Variants in MYO7B observed in about 807,000 individuals in gnomAD.
The protein encoded by MYO7B is myosin VIIB.
Under a neutral mutation model 259.7 loss-of-function variants are expected in MYO7B, and 212 were observed. The observed-to-expected ratio is 0.82, with a 90% CI of 0.73 to 0.91. MYO7B has a LOEUF of 0.91. MYO7B is among the 40% of genes least tolerant of loss of function. The pLI is 0.00. For missense variants in MYO7B, 2,732 were observed against 2,813.5 expected (o/e 0.97, Z 0.66); for synonymous variants, 1,197 against 1,166.4 (o/e 1.03, Z -0.54).
rs781735373 is a variant in MYO7B, at chr2:127,609,133, A to T, written c.2814+255A>T. 1.3e-5 allele frequency among the ~76,000 whole-genome samples: 2 copies of T among 152,098 alleles called. No individual in the cohort carries two copies. The highest frequency in any genetic ancestry group is 2.4e-5 in the African/African-American group (1 of 41,430). On this transcript the variant is annotated intron_variant, in intron 22 of 47. Coordinates refer to ENST00000409816, the MANE Select transcript of MYO7B (RefSeq NM_001393586.1). The surrounding 1 kb of genome is among the most constrained non-coding windows in gnomAD (Gnocchi z 6.9). ...CCAATGCTGCCGGGCTCTCCATCAC[A>T]TGGCATTCCCCGCGTATATTTGACC...
Position 127,580,733 on chromosome 2 carries a change from C to T in MYO7B, c.1004-13C>T. On this transcript the variant is annotated splice_polypyrimidine_tract_variant and intron_variant, in intron 9 of 47. Coordinates refer to ENST00000409816, the MANE Select transcript of MYO7B (RefSeq NM_001393586.1). ...GCTGCTTTCCAACTCAGCATTCCTG[C>T]TTCTCTCTCTAGCTTCGGTCTTCGA... 1 of 1,609,588 alleles carries T rather than the reference C, an allele frequency of 6.2e-7. No individual in the cohort carries two copies. Among genetic ancestry groups the T allele is most frequent in the Non-Finnish European group, 8.5e-7 (1 of 1,178,014 alleles).
At chr2:127,629,875 T>G (rs1681372761) in intron 35 of MYO7B, 49 bp downstream of exon 35, 1 of 1,511,786 alleles carries the variant, frequency 6.6e-7, no homozygotes, top group African/African-American at 1.4e-5. Context: ...GAGGTCAGGG[T>G]GGAGCAGTCC....
chr2:127,634,721 T>C, intron 42 of MYO7B, 38 bp downstream of exon 42: 1 of 1,484,668 alleles, frequency 6.7e-7, no homozygotes. Flanking sequence ...AGGGCGTGGC[T>C]GGGTGGGTCG....
chr2:127,633,454 C>A, intron 40 of MYO7B, 91 bp downstream of exon 40: 1 of 1,268,530 alleles, frequency 7.9e-7, no homozygotes, highest in Non-Finnish European at 1.1e-6. Context: ...TCCTTGGTAA[C>A]CCCAGAGAGC....
At chr2:127,583,397 T>G (rs1404987769) in intron 12 of MYO7B, among the ~76,000 whole-genome samples, 2 of 151,938 alleles carry the variant, frequency 1.3e-5, no homozygotes, top group African/African-American at 4.8e-5. Flanking sequence ...CTCACTGCAG[T>G]CAGGTGGGAG....
In MYO7B at chr2:127,635,246, G is replaced by C. The variant is rs762945820; in HGVS notation, c.5820+20G>C. 5 of 1,598,256 alleles carry C rather than the reference G, an allele frequency of 3.1e-6. No individual in the cohort carries two copies. The highest frequency in any genetic ancestry group is 1.7e-4 in the Middle Eastern group (1 of 6,042). ...CACCAGGTACCGGGCAGGCTGCCCT[G>C]GTGGGCACTGGGGCCACCCCCATCT... On this transcript the variant is annotated intron_variant, in intron 43 of 47. Coordinates refer to ENST00000409816, the MANE Select transcript of MYO7B (RefSeq NM_001393586.1).
In MYO7B at chr2:127,632,449, C is replaced by T. The variant is rs1681576444; in HGVS notation, c.5405+48C>T. On this transcript the variant is annotated intron_variant, in intron 39 of 47. Coordinates refer to ENST00000409816, the MANE Select transcript of MYO7B (RefSeq NM_001393586.1). The stretch of plus-strand genomic sequence containing the variant: ...CCAGCATTGGCCCTGGGCCCGCAGA[C>T]CTGGGATGCTGTGGGGCCTGGCCAG... 2.7e-6 allele frequency: 4 copies of T among 1,494,252 alleles called. No individual in the cohort carries two copies. The East Asian group carries it at 7.3e-5, about 27-fold the overall frequency. The allele number at this position is 1,494,252 out of a possible 1,614,324, so 92.6% of individuals were successfully genotyped here. A position where few individuals can be genotyped will look rare whatever the true frequency, so the allele number is the denominator to read the frequency against.
At chr2:127,637,123 C>G in intron 47 of MYO7B, 193 bp from the exon 48 acceptor site, 1 of 997,644 alleles carries the variant, frequency 1.0e-6, no homozygotes, top group Non-Finnish European at 1.5e-6. Context: ...CGCCCTTGGC[C>G]CATTCCAAGG....
chr2:127,561,961 C>T (rs1009092621), intron 2 of MYO7B, among the ~76,000 whole-genome samples: 5 of 152,088 alleles, frequency 3.3e-5, no homozygotes, highest in Non-Finnish European at 5.9e-5. Flanking sequence ...CTTATCTTCA[C>T]ATGGCCTTTC....
intron 6 of MYO7B, among the ~76,000 whole-genome samples, 177 bp from the exon 7 acceptor site, chr2:127,573,743 T>C (rs996143034): frequency 6.6e-6 from 1 of 152,246 alleles, no homozygotes; most frequent in African/African-American, 2.4e-5. Context: ...AGGTTTTCCC[T>C]GCATTTTTGT....
At chr2:127,560,825 TC>T (rs1449667645) in intron 2 of MYO7B, among the ~76,000 whole-genome samples, 1 of 152,178 alleles carries the variant, frequency 6.6e-6, no homozygotes, top group Non-Finnish European at 1.5e-5. Context: ...AGGACATCGT[TC>T]CTGGCTGCTG....
rs1363782561 is a variant in MYO7B at position 127,607,303 on chromosome 2, C to T, written c.2522C>T (p.Ala841Val). 6.4e-7 allele frequency: 1 copy of T among 1,551,368 alleles called. No individual in the cohort carries two copies. The highest frequency in any genetic ancestry group is 2.4e-5 in the East Asian group (1 of 40,942). The change falls in exon 21 of 48, where the codon GCC becomes GTC. Residue 841 changes from alanine (A) to valine (V), a missense_variant. This residue lies in a region of MYO7B where 1,906 missense variants were observed against 2,026.4 expected (regional missense o/e 0.94). Transcript: ENST00000409816. This position sits in a 1 kb window ranked among gnomAD's most constrained non-coding sequence, Gnocchi z 4.4. ...CGGCAGAGGACAGTCCAGCTGCAGG[C>T]CCTGTGCAGGGGATACCTGGTGCGC... Reference protein sequence around the residue: ...AMRQRTVQLQALCRGYLVRQQ... With the variant: ...AMRQRTVQLQVLCRGYLVRQQ...
intron 7 of MYO7B, 40 bp downstream of exon 7, chr2:127,574,102 G>C (rs567468587): frequency 6.2e-7 from 1 of 1,610,462 alleles, no homozygotes; most frequent in East Asian, 2.2e-5. Context: ...TTGAGGGAAT[G>C]GGGGAGGTTT....
chr2:127,637,460 C>T lies in MYO7B; in HGVS notation c.*43C>T. 1 of 1,415,532 alleles carries T rather than the reference C, an allele frequency of 7.1e-7. No homozygotes were observed. The highest frequency in any genetic ancestry group is 1.5e-5 in the South Asian group (1 of 68,646). 87.7% of individuals were successfully genotyped at this position (1,415,532 alleles called of 1,614,324 possible). On this transcript the variant is annotated 3_prime_UTR_variant, in exon 48 of 48. Transcript: ENST00000409816. ...TCTGCTCAGGCGCCCTTCCCGACCTCTAGCCTGGCGGCACCTTCCCAGGCC... is the reference window on the plus strand; with the variant it reads ...TCTGCTCAGGCGCCCTTCCCGACCTTTAGCCTGGCGGCACCTTCCCAGGCC...
At chr2:127,572,025 GT>G (rs1176132299) in intron 6 of MYO7B, among the ~76,000 whole-genome samples, 1 of 151,970 alleles carries the variant, frequency 6.6e-6, no homozygotes, top group Non-Finnish European at 1.5e-5. Flanking sequence ...TTTCCTATAT[GT>G]TTTGTAGTTT....
intron 1 of MYO7B, among the ~76,000 whole-genome samples, chr2:127,550,920 C>T (rs1004654965): frequency 6.6e-6 from 1 of 152,034 alleles, no homozygotes; most frequent in African/African-American, 2.4e-5. Context: ...TTATCCCAAA[C>T]TTTAACAGCT....
chr2:127,629,735 G>T lies in MYO7B; in HGVS notation c.4715G>T (p.Gly1572Val). The change falls in exon 35 of 48, where the codon GGC becomes GTC. Residue 1572 changes from glycine (G) to valine (V), a missense_variant. Around this residue, in one of 3 missense-constraint regions of MYO7B, gnomAD observed 821 missense variants for 769.3 expected, o/e 1.07. Coordinates refer to ENST00000409816, the MANE Select transcript of MYO7B (RefSeq NM_001393586.1). ...CTGGCCTCTGAGAACTGGACCCTCG[G>T]CCAGAACGACAGGACAGGCAAGACG... ...GLLASENWTLGQNDRTGKTGL... is the reference protein window; with the variant it reads ...GLLASENWTLVQNDRTGKTGL... 1.2e-6 allele frequency: 2 copies of T among 1,612,236 alleles called. No individual in the cohort carries two copies. Among genetic ancestry groups the T allele is most frequent in the Non-Finnish European group, 1.7e-6 (2 of 1,179,422 alleles).
At chr2:127,565,908 C>T (rs2104870864) in intron 4 of MYO7B, among the ~76,000 whole-genome samples, 1 of 152,370 alleles carries the variant, frequency 6.6e-6, no homozygotes, top group East Asian at 1.9e-4. Flanking sequence ...TATTCCAAAA[C>T]CGACACCAGT....
intron 41 of MYO7B, 78 bp from the exon 42 acceptor site, chr2:127,634,518 T>C: frequency 1.6e-5 from 21 of 1,342,542 alleles, no homozygotes; most frequent in Non-Finnish European, 2.2e-5. Context: ...AGGCGGCCAC[T>C]GGACCAGAAC....
Sources: allele counts gnomAD v4.1 joint callset (sites outside exome capture counted in the v4.1 genomes callset), GRCh38; gene constraint gnomAD v4.1.1; regional missense constraint gnomAD v4.1.1; non-coding constraint Gnocchi (gnomAD v3.1); transcripts MANE v1.5; gene names NCBI Gene and HGNC (gene_info 2026-07-23, HGNC 2026-07-21).